The following ABTB2 variants were observed in gnomAD, a reference collection of about 807,000 sequenced individuals.
ABTB2 encodes the protein ankyrin repeat and BTB domain containing 2.
In ABTB2, 56 loss-of-function variants were observed where a neutral mutation model predicts 104.1. The observed-to-expected ratio is 0.54, with a 90% CI of 0.43 to 0.67. The LOEUF (loss-of-function observed/expected upper bound fraction) is 0.67, where lower values mean the gene tolerates loss of function less well. Ranked by LOEUF, ABTB2 falls within the 30% of genes least tolerant of loss-of-function variation. The pLI, the probability that ABTB2 is intolerant of heterozygous loss-of-function variation, is 0.00. For missense variants in ABTB2, 1,279 were observed against 1,407.7 expected, an observed-to-expected ratio of 0.91 and a Z score of 1.46; for synonymous variants, 606 against 608.2, an observed-to-expected ratio of 1.00 and a Z score of 0.05.
intron 1 of ABTB2, among the ~76,000 whole-genome samples, chr11:34,272,237 T>A (rs1468335572): frequency 1.3e-5 from 2 of 151,016 alleles, no homozygotes; most frequent in South Asian, 4.2e-4. Context: ...CAATACACTG[T>A]TGATTGTGGT....
chr11:34,212,655 T>G (rs1209727338), intron 1 of ABTB2, among the ~76,000 whole-genome samples: 1 of 152,188 alleles, frequency 6.6e-6, no homozygotes, highest in Non-Finnish European at 1.5e-5. Flanking sequence ...GCTCTCCCCA[T>G]GCAAACTCAG....
At chr11:34,281,134 G>A (rs1316850801) in intron 1 of ABTB2, among the ~76,000 whole-genome samples, 2 of 152,144 alleles carry the variant, frequency 1.3e-5, no homozygotes, top group African/African-American at 4.8e-5. Flanking sequence ...TCAGCAAGCA[G>A]AACACCCAGC....
At chr11:34,274,415 T>A (rs1214253189) in intron 1 of ABTB2, among the ~76,000 whole-genome samples, 1 of 151,996 alleles carries the variant, frequency 6.6e-6, no homozygotes, top group East Asian at 1.9e-4. Flanking sequence ...CAGGCTGCAC[T>A]CCATCACCAG....
rs749936672 is a variant in ABTB2 at position 34,204,623 on chromosome 11, G to A, written c.951C>T (p.Ala317=). Reference sequence around the variant, plus strand: ...GGAGCTCCAGCTGGGCATAGGCATCGGCTCGCTCGTCATGGCCCAGGGACC... The same window carrying A: ...GGAGCTCCAGCTGGGCATAGGCATCAGCTCGCTCGTCATGGCCCAGGGACC... ...NGGSLGHDER[A]DAYAQLELRT... is the part of the protein sequence containing the mutation. Residue 317 remains alanine, a synonymous_variant, in exon 2 of 17, where the codon GCC becomes GCT. Transcript: ENST00000435224. 20 of 1,612,568 alleles carry A rather than the reference G, an allele frequency of 1.2e-5. No individual in the cohort carries two copies. The highest frequency in any genetic ancestry group is 5.0e-5 in the Admixed American group (3 of 59,936).
At chr11:34,179,554 C>T (rs953275873) in intron 3 of ABTB2, among the ~76,000 whole-genome samples, 8 of 152,170 alleles carry the variant, frequency 5.3e-5, no homozygotes, top group South Asian at 2.1e-4. Context: ...CAAAGGGATC[C>T]GAAGGTCCTA....
At chr11:34,258,605 C>CTTTTTTTTTTTTTTTTTTT (rs35853565) in intron 1 of ABTB2, among the ~76,000 whole-genome samples, 1 of 95,172 alleles carries the variant, frequency 1.1e-5, no homozygotes, top group Non-Finnish European at 2.0e-5. Context: ...AGTGCCTGCT[C>CTTTTTTTTTTTTTTTTTTT]TTTTTTTTTT....
chr11:34,204,650 G>C lies in ABTB2; in HGVS notation c.924C>G (p.Gly308=). 1 of 1,613,972 alleles carries C rather than the reference G, an allele frequency of 6.2e-7. No homozygotes were observed. Among genetic ancestry groups the C allele is most frequent in the Non-Finnish European group, 8.5e-7 (1 of 1,179,978 alleles). Residue 308 remains glycine (G), a synonymous_variant, in exon 2 of 17, where the codon GGC becomes GGG. Coordinates refer to ENST00000435224, the MANE Select transcript of ABTB2 (RefSeq NM_145804.3). ...SLPAYFSPYN[G]GSLGHDERAD... Reference sequence around the variant, plus strand: ...CTCGCTCGTCATGGCCCAGGGACCCGCCGTTGTAGGGGCTGAAGTATGCGG... The same window carrying C: ...CTCGCTCGTCATGGCCCAGGGACCCCCCGTTGTAGGGGCTGAAGTATGCGG...
intron 3 of ABTB2, among the ~76,000 whole-genome samples, chr11:34,194,596 G>GTAAGCTCAGCGTAATGCTC (rs1430571662): frequency 1.1e-4 from 16 of 152,180 alleles, no homozygotes; most frequent in African/African-American, 3.6e-4. Flanking sequence ...CAGTAATGCT[G>GTAAGCTCAGCGTAATGCTC]TAAGCTCAGC....
At chr11:34,312,046 C>A (rs1393358490) in intron 1 of ABTB2, among the ~76,000 whole-genome samples, 4 of 150,754 alleles carry the variant, frequency 2.7e-5, no homozygotes, top group Middle Eastern at 6.8e-3. Flanking sequence ...GAGGCTAAGG[C>A]AGGAGAATTG....
rs1852529723 is a variant in ABTB2, at chr11:34,151,061, A to AAAG, written c.*1323_*1325dup. ...TAAGTGACAACATTATTGTACAGTTAAAGTATCATACAATATTACAGCAAT... is the reference window on the plus strand; with the variant it reads ...TAAGTGACAACATTATTGTACAGTTAAAGAAGTATCATACAATATTACAGCAAT... On this transcript the variant is annotated 3_prime_UTR_variant, in exon 17 of 17. Coordinates refer to ENST00000435224, the MANE Select transcript of ABTB2 (RefSeq NM_145804.3). The AAAG allele has an allele frequency of 6.5e-6, 1 of 152,750 alleles. No individual in the cohort carries two copies. Among genetic ancestry groups the AAAG allele is most frequent in the South Asian group, 2.1e-4 (1 of 4,834 alleles). 9.5% of individuals were successfully genotyped at this position (152,750 alleles called of 1,614,324 possible).
At chr11:34,222,675 C>T (rs1853639329) in intron 1 of ABTB2, among the ~76,000 whole-genome samples, 1 of 152,236 alleles carries the variant, frequency 6.6e-6, no homozygotes, top group South Asian at 2.1e-4. Flanking sequence ...GACTTTCCCT[C>T]CCAGAAGCCT....
At chr11:34,238,639 T>C (rs1316824854) in intron 1 of ABTB2, among the ~76,000 whole-genome samples, 1 of 152,224 alleles carries the variant, frequency 6.6e-6, no homozygotes, top group African/African-American at 2.4e-5. Flanking sequence ...TTATAAATGA[T>C]GAAACTAAGA....
intron 1 of ABTB2, among the ~76,000 whole-genome samples, chr11:34,328,683 C>G (rs1050603379): frequency 1.9e-4 from 29 of 152,170 alleles, no homozygotes; most frequent in Admixed American, 1.8e-3. Flanking sequence ...TTCAAGGAAC[C>G]CTTATTGGCT....
intron 1 of ABTB2, among the ~76,000 whole-genome samples, chr11:34,288,484 A>G (rs1226829020): frequency 6.6e-6 from 1 of 152,224 alleles, no homozygotes; most frequent in East Asian, 1.9e-4. Flanking sequence ...CCTAGAAGCC[A>G]TGTGCCCCTT....
intron 14 of ABTB2, among the ~76,000 whole-genome samples, chr11:34,159,074 G>A (rs1382158864): frequency 1.3e-5 from 2 of 152,214 alleles, no homozygotes; most frequent in Admixed American, 6.5e-5. Context: ...CCTGTCCAGC[G>A]GTTAGAGCTC....
At chr11:34,211,322 G>A (rs1229219663) in intron 1 of ABTB2, among the ~76,000 whole-genome samples, 1 of 151,946 alleles carries the variant, frequency 6.6e-6, no homozygotes, top group South Asian at 2.1e-4. Context: ...TTTTCCAGGC[G>A]GGTCTAGAAC....
At chr11:34,174,725 C>T (rs1158587325) in intron 3 of ABTB2, among the ~76,000 whole-genome samples, 1 of 152,272 alleles carries the variant, frequency 6.6e-6, no homozygotes, top group Non-Finnish European at 1.5e-5. Flanking sequence ...CAGCCTGTGG[C>T]TTCATGACTT....
At chr11:34,176,060 T>A (rs935861521) in intron 3 of ABTB2, among the ~76,000 whole-genome samples, 1 of 151,854 alleles carries the variant, frequency 6.6e-6, no homozygotes, top group Non-Finnish European at 1.5e-5. Context: ...GGCAGGTGGA[T>A]CACAAGGTCA....
chr11:34,308,087 C>G (rs1338286829), intron 1 of ABTB2, among the ~76,000 whole-genome samples: 1 of 152,186 alleles, frequency 6.6e-6, no homozygotes, highest in Non-Finnish European at 1.5e-5. Flanking sequence ...TTCTCTGTGT[C>G]TGGGCCTCCT....
Sources: gnomAD v4.1 joint callset for allele counts (sites outside exome capture counted in the v4.1 genomes callset) on GRCh38, gnomAD v4.1.1 for gene constraint, MANE v1.5 for transcripts, NCBI Gene and HGNC (gene_info 2026-07-23, HGNC 2026-07-21) for gene names.